Variants in DNAH3 observed in about 807,000 individuals in gnomAD.
The protein encoded by DNAH3 is axonemal beta dynein heavy chain 3.
In DNAH3, 332 loss-of-function variants were observed where a neutral mutation model predicts 432.5. That is an observed-to-expected ratio of 0.77 (90% CI 0.70 to 0.84). The LOEUF (loss-of-function observed/expected upper bound fraction) is 0.84, where lower values mean the gene tolerates loss of function less well. Among genes scored for constraint, DNAH3 ranks in the 40% least tolerant of loss-of-function variants. The pLI is 0.00. For missense variants in DNAH3, 4,861 were observed against 5,114.0 expected, an observed-to-expected ratio of 0.95 and a Z score of 1.51; for synonymous variants, 1,956 against 1,900.2, an observed-to-expected ratio of 1.03 and a Z score of -0.76.
In DNAH3 at chr16:21,000,489, C is replaced by T. The variant is rs777519337; in HGVS notation, c.6156G>A (p.Glu2052=). Reference sequence around the variant, plus strand: ...TCAAGAAGAAGGACTGCCGGGCTGTCTCCATTGTGGGGATGATGAGTTCTG... The same window carrying T: ...TCAAGAAGAAGGACTGCCGGGCTGTTTCCATTGTGGGGATGATGAGTTCTG... The change falls in exon 43 of 62, where the codon GAG becomes GAA. Residue 2052 remains glutamate, a synonymous_variant. Transcript: ENST00000261383. 14 of 1,611,568 alleles carry T rather than the reference C, an allele frequency of 8.7e-6. No homozygotes were observed. The East Asian group carries it at 3.1e-4, about 36-fold the overall frequency.
rs114745065 is a variant in DNAH3, at chr16:20,963,758, G to A, written c.10126C>T (p.Leu3376Phe). 286 of 1,614,068 alleles carry A rather than the reference G, an allele frequency of 1.8e-4. 1 individual carries two copies. The African/African-American group carries it at 3.3e-3, about 19-fold the overall frequency. The stretch of plus-strand genomic sequence containing the variant: ...TGTTTCATGATGCCGATGGTCAGGA[G>A]GAGAGAGAAGAGTAGCTTGTCCTTC... The change falls in exon 53 of 62, where the codon CTC becomes TTC. Residue 3376 changes from leucine to phenylalanine, a missense_variant. Physicochemically the swap from Leu to Phe is conservative, Grantham distance 22. Transcript: ENST00000261383.
At chr16:21,137,261 T>TA (rs60457553) in intron 5 of DNAH3, among the ~76,000 whole-genome samples, 29,055 of 116,872 alleles carry the variant, frequency 0.25, 3,351 homozygotes, top group East Asian at 0.33. Context: ...GATTTCTGTC[T>TA]AAAAAAAAAA....
intron 15 of DNAH3, 106 bp from the exon 16 acceptor site, chr16:21,104,700 G>A: frequency 4.5e-6 from 3 of 666,818 alleles, no homozygotes; most frequent in Non-Finnish European, 2.7e-6. Context: ...GTGGTGTGGG[G>A]GTGGCAATGA....
intron 1 of DNAH3, among the ~76,000 whole-genome samples, chr16:21,151,366 G>A (rs964154851): frequency 6.7e-6 from 1 of 148,670 alleles, no homozygotes; most frequent in Non-Finnish European, 1.5e-5. Context: ...TGTTGCCCAG[G>A]CTGCAGTGCA....
intron 49 of DNAH3, among the ~76,000 whole-genome samples, chr16:20,982,146 G>A (rs985350621): frequency 6.6e-6 from 1 of 151,920 alleles, no homozygotes. Flanking sequence ...CACTTTGGGA[G>A]GCCAAGGCGG....
chr16:21,027,745 A>G (rs1326637170), intron 37 of DNAH3, among the ~76,000 whole-genome samples: 2 of 152,232 alleles, frequency 1.3e-5, no homozygotes, highest in East Asian at 1.9e-4. Flanking sequence ...GTGAGCTGCA[A>G]TTTTAATAGG....
intron 5 of DNAH3, among the ~76,000 whole-genome samples, chr16:21,139,401 T>C (rs1291218778): frequency 3.0e-5 from 4 of 133,946 alleles, no homozygotes; most frequent in Non-Finnish European, 6.2e-5. Context: ...GGCATGATCA[T>C]AGCTGGGATG....
At chr16:20,991,643 G>T (rs2152681937) in intron 44 of DNAH3, among the ~76,000 whole-genome samples, 1 of 152,244 alleles carries the variant, frequency 6.6e-6, no homozygotes, top group Admixed American at 6.5e-5. Flanking sequence ...ATCCGTTGAA[G>T]ATCTGGGCTG....
chr16:21,124,736 G>A (rs548181240), intron 9 of DNAH3, among the ~76,000 whole-genome samples: 25 of 151,440 alleles, frequency 1.7e-4, no homozygotes, highest in Non-Finnish European at 2.9e-4. Flanking sequence ...TGCAACTTCC[G>A]CCGCCTGGGT....
intron 28 of DNAH3, among the ~76,000 whole-genome samples, chr16:21,052,554 G>A (rs1382743608): frequency 1.3e-5 from 2 of 152,194 alleles, no homozygotes; most frequent in Admixed American, 6.5e-5. Flanking sequence ...TGTGTAATCT[G>A]TAAAATAGGG....
intron 57 of DNAH3, among the ~76,000 whole-genome samples, chr16:20,947,818 T>G (rs1408345686): frequency 6.6e-6 from 1 of 152,116 alleles, no homozygotes; most frequent in African/African-American, 2.4e-5. Flanking sequence ...TCACTGTCAC[T>G]CAGGCTGGAG....
intron 61 of DNAH3, among the ~76,000 whole-genome samples, 161 bp from the exon 62 acceptor site, chr16:20,933,668 C>T (rs1460855747): frequency 2.6e-5 from 4 of 152,218 alleles, no homozygotes; most frequent in East Asian, 1.9e-4. Flanking sequence ...TATTCCTGCC[C>T]ACCATACATG....
At chr16:21,128,089 G>A (rs1417701970) in intron 7 of DNAH3, among the ~76,000 whole-genome samples, 1 of 152,040 alleles carries the variant, frequency 6.6e-6, no homozygotes, top group Non-Finnish European at 1.5e-5. Flanking sequence ...CCATCAAGAA[G>A]TGGGGCTGTG....
At chr16:21,100,777 T>C (rs1251843385) in intron 16 of DNAH3, among the ~76,000 whole-genome samples, 1 of 152,198 alleles carries the variant, frequency 6.6e-6, no homozygotes, top group African/African-American at 2.4e-5. Context: ...GTACATGCAA[T>C]TAGGTGCTGC....
exon 53 of DNAH3, chr16:20,964,087 G>C: frequency 1.9e-6 from 3 of 1,614,184 alleles, no homozygotes; most frequent in Non-Finnish European, 2.5e-6. Context: ...TAGCACTTTG[G>C]AGGAGGACAG....
chr16:20,943,710 G>A (rs1466177922), intron 58 of DNAH3, among the ~76,000 whole-genome samples: 1 of 152,214 alleles, frequency 6.6e-6, no homozygotes, highest in African/African-American at 2.4e-5. Flanking sequence ...GCTGGGAGCA[G>A]TGGCTCACGC....
chr16:21,120,836 T>C (rs372575912), exon 11 of DNAH3: 11 of 1,613,910 alleles, frequency 6.8e-6, no homozygotes, highest in East Asian at 6.7e-5. Context: ...AAGGAGAACT[T>C]AAGTGGTATG....
intron 40 of DNAH3, among the ~76,000 whole-genome samples, chr16:21,021,378 A>C (rs900031432): frequency 2.0e-5 from 3 of 152,262 alleles, no homozygotes; most frequent in African/African-American, 7.2e-5. Flanking sequence ...TATCCCTGTG[A>C]GGTAAAAAGG....
chr16:20,959,279 C>T, exon 54 of DNAH3: 1 of 1,614,176 alleles, frequency 6.2e-7, no homozygotes, highest in South Asian at 1.1e-5. Flanking sequence ...TGTAAGACCA[C>T]CCAGGTCCCG....
Sources: allele counts gnomAD v4.1 joint callset (sites outside exome capture counted in the v4.1 genomes callset), GRCh38; gene constraint gnomAD v4.1.1; transcripts MANE v1.5; gene names NCBI Gene and HGNC (gene_info 2026-07-23, HGNC 2026-07-21).